ADGRL3: variants seen among roughly 807,000 people sequenced by gnomAD.
ADGRL3 encodes the protein calcium-independent alpha-latrotoxin receptor 3.
Under a neutral mutation model 153.5 loss-of-function variants are expected in ADGRL3, and 62 were observed. That is an observed-to-expected ratio of 0.40 (90% CI 0.33 to 0.50). The LOEUF is 0.50. ADGRL3 is among the 20% of genes least tolerant of loss of function. The probability of loss-of-function intolerance (pLI) is 0.47; values close to 1 mark genes in which losing one functional copy is unlikely to be tolerated. For missense variants in ADGRL3, 1,641 were observed against 1,859.4 expected, an observed-to-expected ratio of 0.88 and a Z score of 2.16; for synonymous variants, 710 against 672.5, an observed-to-expected ratio of 1.06 and a Z score of -0.86.
At chr4:61,823,586 G>C (rs1461180203) in intron 9 of ADGRL3, among the ~76,000 whole-genome samples, 1 of 151,950 alleles carries the variant, frequency 6.6e-6, no homozygotes, top group Non-Finnish European at 1.5e-5. Flanking sequence ...AATTATTATT[G>C]TCTTTTTGTG....
rs192083634 is a variant in ADGRL3 at position 61,978,782 on chromosome 4, T to G, written c.2806-781T>G. Among the ~76,000 whole-genome samples, 313 of 152,294 alleles carry G rather than the reference T, an allele frequency of 2.1e-3. 2 individuals carry two copies. The highest frequency in any genetic ancestry group is 7.2e-3 in the African/African-American group (298 of 41,568). On this transcript the variant is annotated intron_variant, in intron 17 of 26. Transcript: ENST00000683033. ...TGTTTCAGTACAGTTCGTGAACTTT[T>G]TCTTGTTTCTTAGCTCTACTGTCTT...
At chr4:61,750,651 G>A (rs1215679877) in intron 8 of ADGRL3, among the ~76,000 whole-genome samples, 14 of 151,358 alleles carry the variant, frequency 9.2e-5, no homozygotes, top group Non-Finnish European at 7.4e-5. Flanking sequence ...TTAGCCGGGC[G>A]TAGTGGCGGG....
At chr4:61,909,804 T>TGTG in intron 12 of ADGRL3, 59 bp downstream of exon 12, 7 of 1,286,438 alleles carry the variant, frequency 5.4e-6, no homozygotes, top group South Asian at 1.7e-5. Flanking sequence ...TGTGTGTGTC[T>TGTG]TTAAAGTTGT....
chr4:61,719,557 G>A (rs2151612933), intron 6 of ADGRL3, among the ~76,000 whole-genome samples: 1 of 150,954 alleles, frequency 6.6e-6, no homozygotes, highest in East Asian at 2.0e-4. Context: ...TTTCTTCTTG[G>A]CATATTTAAT....
intron 1 of ADGRL3, among the ~76,000 whole-genome samples, chr4:61,368,363 T>C (rs985066291): frequency 3.9e-5 from 6 of 152,110 alleles, no homozygotes; most frequent in African/African-American, 7.2e-5. Flanking sequence ...GGTTTTAGGT[T>C]TAACGTTTAA....
chr4:62,044,427 T>G, intron 24 of ADGRL3, 26 bp from the exon 25 acceptor site: 1 of 1,499,742 alleles, frequency 6.7e-7, no homozygotes, highest in Non-Finnish European at 9.1e-7. Context: ...TGAGTTCATT[T>G]TCTTTCTGCC....
chr4:61,957,712 T>G (rs2098972932), intron 17 of ADGRL3, among the ~76,000 whole-genome samples: 1 of 151,916 alleles, frequency 6.6e-6, no homozygotes, highest in Admixed American at 6.6e-5. Context: ...AGGACACTGC[T>G]GTTGATACAA....
chr4:61,510,338 G>T (rs1406862370), intron 3 of ADGRL3, among the ~76,000 whole-genome samples: 1 of 152,086 alleles, frequency 6.6e-6, no homozygotes, highest in African/African-American at 2.4e-5. Context: ...TCTTAAGGCT[G>T]ATGTGAGAAT....
At chr4:61,728,836 G>A (rs2096391991) in intron 6 of ADGRL3, among the ~76,000 whole-genome samples, 1 of 151,854 alleles carries the variant, frequency 6.6e-6, no homozygotes, top group African/African-American at 2.4e-5. Flanking sequence ...ATTTGTTAAG[G>A]TGCTTAGTTG....
At chr4:61,756,680 G>A (rs969870495) in intron 8 of ADGRL3, among the ~76,000 whole-genome samples, 1 of 152,132 alleles carries the variant, frequency 6.6e-6, no homozygotes, top group African/African-American at 2.4e-5. Context: ...GTGAAAAAGG[G>A]CATCCCTGTC....
rs1007377599 is a variant in ADGRL3, at chr4:61,457,193, T to C, written c.-173-39928T>C. On this transcript the variant is annotated intron_variant, in intron 2 of 26. Transcript: ENST00000683033. ...AATTTATAATGCCCCAATTTAATAC[T>C]TTTTTAACATGTAAAATAGAGTTAT... Among the ~76,000 whole-genome samples the C allele has an allele frequency of 2.0e-5, 3 of 152,060 alleles. No individual in the cohort carries two copies. The South Asian group carries it at 6.2e-4, about 31-fold the overall frequency.
At chr4:61,510,721 A>G (rs796706180) in intron 3 of ADGRL3, among the ~76,000 whole-genome samples, 86 of 152,270 alleles carry the variant, frequency 5.6e-4, no homozygotes, top group African/African-American at 1.9e-3. Context: ...CTTTTTGCTG[A>G]GGATTGCTTT....
At chr4:61,597,031 T>C (rs1234404790) in intron 5 of ADGRL3, among the ~76,000 whole-genome samples, 1 of 150,342 alleles carries the variant, frequency 6.7e-6, no homozygotes, top group African/African-American at 2.4e-5. Context: ...TGAAGTGTGT[T>C]TTTTTTTTTC....
At chr4:62,029,764 G>T (rs1720948245) in intron 22 of ADGRL3, among the ~76,000 whole-genome samples, 1 of 149,590 alleles carries the variant, frequency 6.7e-6, no homozygotes, top group African/African-American at 2.5e-5. Flanking sequence ...TAACCCTTGG[G>T]CCCATCATGT....
At chr4:61,693,668 G>T (rs1375941546) in intron 6 of ADGRL3, among the ~76,000 whole-genome samples, 1 of 152,114 alleles carries the variant, frequency 6.6e-6, no homozygotes, top group Non-Finnish European at 1.5e-5. Context: ...AGTCAATAAG[G>T]TTAAAAAGAT....
rs953860100 is a variant in ADGRL3, at chr4:62,074,484, A to G, written c.*3576A>G. The G allele has an allele frequency of 6.6e-6, 1 of 152,102 alleles. No individual in the cohort carries two copies. Among genetic ancestry groups the G allele is most frequent in the Non-Finnish European group, 1.5e-5 (1 of 68,006 alleles). The allele number at this position is 152,102 out of a possible 1,614,324, so 9.4% of individuals were successfully genotyped here. A position where few individuals can be genotyped will look rare whatever the true frequency, so the allele number is the denominator to read the frequency against. On this transcript the variant is annotated 3_prime_UTR_variant, in exon 27 of 27. Transcript: ENST00000683033. ...GATAAATATTTGCGGCAAAGTCCAA[A>G]TTTTGTGAAGGAGAAATTGGTTGGA...
chr4:61,605,668 GT>G (rs558293294), intron 5 of ADGRL3, among the ~76,000 whole-genome samples: 39 of 152,252 alleles, frequency 2.6e-4, no homozygotes, highest in African/African-American at 9.1e-4. Flanking sequence ...AAATGCTGTT[GT>G]TTTGGCAATA....
chr4:61,541,829 A>ATG (rs1371386719), intron 4 of ADGRL3, among the ~76,000 whole-genome samples: 4 of 118,882 alleles, frequency 3.4e-5, no homozygotes, highest in African/African-American at 9.5e-5. Context: ...TTAGATATAT[A>ATG]TGTGTGTGTG....
intron 6 of ADGRL3, among the ~76,000 whole-genome samples, chr4:61,728,962 T>C (rs919538139): frequency 2.0e-5 from 3 of 151,926 alleles, no homozygotes; most frequent in African/African-American, 7.2e-5. Context: ...AACCCTGGAG[T>C]TACTCAATAA....
Sources: gnomAD v4.1 joint callset for allele counts (sites outside exome capture counted in the v4.1 genomes callset) on GRCh38, gnomAD v4.1.1 for gene constraint, MANE v1.5 for transcripts, NCBI Gene and HGNC (gene_info 2026-07-23, HGNC 2026-07-21) for gene names.